RGS12: variants seen among roughly 807,000 people sequenced by gnomAD.
RGS12 encodes the protein regulator of G-protein signaling 12.
RGS12 carries 66 observed loss-of-function variants against 120.1 expected under a neutral mutation model. The ratio of observed to expected loss-of-function variants is 0.55; its 90% CI spans 0.45 to 0.67. RGS12 has a LOEUF of 0.67. RGS12 is among the 30% of genes least tolerant of loss of function. The pLI is 0.00. For synonymous variants in RGS12, 827 were observed against 804.7 expected (o/e 1.03, Z -0.47); for missense variants, 1,859 against 1,957.7 (o/e 0.95, Z 0.95).
Position 3,383,063 on chromosome 4 carries a change from C to T in RGS12, c.1999-3353C>T, listed in dbSNP as rs370249340. Among the ~76,000 whole-genome samples the T allele has an allele frequency of 3.9e-5, 6 of 152,180 alleles. No homozygotes were observed. In the East Asian group the frequency reaches 1.2e-3, roughly 29 times the overall value. On this transcript the variant is annotated intron_variant, in intron 3 of 17. Transcript: ENST00000336727. ...GGGCCCCTGTTGGGCTGTTTTCTTT[C>T]TGGAAGGATTTGCATTAATATATGT...
At chr4:3,305,765 A>C (rs573532927) in intron 1 of RGS12, among the ~76,000 whole-genome samples, 2 of 152,228 alleles carry the variant, frequency 1.3e-5, no homozygotes, top group African/African-American at 4.8e-5. Flanking sequence ...TCCTTGTTCA[A>C]GTGTCATGAT....
intron 2 of RGS12, among the ~76,000 whole-genome samples, chr4:3,320,796 C>T (rs935060561): frequency 2.6e-5 from 4 of 152,210 alleles, no homozygotes; most frequent in African/African-American, 7.2e-5. Flanking sequence ...AAGATGGGTC[C>T]GGACGTCGCC....
intron 17 of RGS12, chr4:3,432,202 T>C (rs553006555): frequency 2.1e-6 from 2 of 972,124 alleles, no homozygotes; most frequent in Admixed American, 1.2e-4. Flanking sequence ...TTCTTTCTCA[T>C]TTGAAACTTT....
chr4:3,436,403 T>G (rs1724810852), intron 17 of RGS12, among the ~76,000 whole-genome samples: 1 of 151,818 alleles, frequency 6.6e-6, no homozygotes, highest in South Asian at 2.1e-4. Flanking sequence ...CTGGGGAGGC[T>G]TCACAGAGGA....
chr4:3,364,944 G>A (rs979574266), intron 3 of RGS12, among the ~76,000 whole-genome samples: 1 of 152,094 alleles, frequency 6.6e-6, no homozygotes, highest in Non-Finnish European at 1.5e-5. Flanking sequence ...GGGACCCAGA[G>A]GGGTGCACCC....
chr4:3,404,079 G>A (rs1437594638), intron 4 of RGS12, among the ~76,000 whole-genome samples: 1 of 152,220 alleles, frequency 6.6e-6, no homozygotes, highest in African/African-American at 2.4e-5. Context: ...TTGGAGGGTA[G>A]CGAGATGGCA....
At chr4:3,371,249 G>C (rs1002081126) in intron 3 of RGS12, among the ~76,000 whole-genome samples, 2 of 152,234 alleles carry the variant, frequency 1.3e-5, no homozygotes, top group Non-Finnish European at 2.9e-5. Context: ...TCGGGGAGCA[G>C]CTCTGGTCTT....
At chr4:3,422,670 C>A in intron 11 of RGS12, 100 bp downstream of exon 11, 2 of 1,322,460 alleles carry the variant, frequency 1.5e-6, no homozygotes, top group Non-Finnish European at 2.1e-6. Flanking sequence ...CCCTCCTGCG[C>A]TCCTCATTTC....
At position 3,316,922 on chromosome 4, in the gene RGS12, GCTTGCAAGC is replaced by G; in HGVS notation, c.754_762del (p.Leu252_Ala254del). ...ACGAGCTCCAACCTGGAGTCCGACA[GCTTGCAAGC>G]CATCCGCGGCTGCATGCGGCGCCTG... is the stretch of plus-strand genomic sequence containing the variant. On this transcript the variant is annotated inframe_deletion, in exon 2 of 18. Transcript: ENST00000336727. 6.2e-7 allele frequency: 1 copy of G among 1,613,978 alleles called. No homozygotes were observed. Among genetic ancestry groups the G allele is most frequent in the Non-Finnish European group, 8.5e-7 (1 of 1,180,052 alleles).
rs548852657 is a variant in RGS12, at chr4:3,301,606, G to C, written c.-102+8507G>C. Among the ~76,000 whole-genome samples the C allele has an allele frequency of 1.6e-3, 244 of 151,248 alleles. 1 individual carries two copies. Among genetic ancestry groups the C allele is most frequent in the African/African-American group, 5.8e-3 (238 of 41,052 alleles). On this transcript the variant is annotated intron_variant, in intron 1 of 17. Transcript: ENST00000336727. ...CCGGGGTCCGAGGGCCGGGGATGGA[G>C]AGTGAGGCCGGGGTCCGAGGGCCGG...
At chr4:3,343,881 T>C (rs941504160) in intron 3 of RGS12, among the ~76,000 whole-genome samples, 3 of 152,236 alleles carry the variant, frequency 2.0e-5, no homozygotes, top group African/African-American at 7.2e-5. Flanking sequence ...TTCTAGAACA[T>C]GTGTCATGTT....
At chr4:3,356,279 T>A (rs909547254) in intron 3 of RGS12, among the ~76,000 whole-genome samples, 3 of 152,136 alleles carry the variant, frequency 2.0e-5, no homozygotes, top group Admixed American at 2.0e-4. Context: ...GGTCTCAAAC[T>A]CCTGAGCTCA....
rs1036488119 is a variant in RGS12 at position 3,389,999 on chromosome 4, C to T, written c.2020+3562C>T. 1.3e-5 allele frequency among the ~76,000 whole-genome samples: 2 copies of T among 152,150 alleles called. No homozygotes were observed. Among genetic ancestry groups the T allele is most frequent in the African/African-American group, 4.8e-5 (2 of 41,420 alleles). On this transcript the variant is annotated intron_variant, in intron 4 of 17. Transcript: ENST00000336727. The surrounding 1 kb of genome is among the most constrained non-coding windows in gnomAD (Gnocchi z 5.2). ...CCCCCTACTCGTCCTCCATGCAGAC[C>T]TCAGTCTTGGCCCTGTCTCTGCAGC... is the stretch of plus-strand genomic sequence containing the variant.
At chr4:3,296,094 C>T (rs1173679955) in intron 1 of RGS12, among the ~76,000 whole-genome samples, 3 of 149,940 alleles carry the variant, frequency 2.0e-5, no homozygotes, top group Non-Finnish European at 2.9e-5. Context: ...GGAAAACTGC[C>T]CCCCTGGTCA....
chr4:3,295,752 CA>C (rs1723348042), intron 1 of RGS12, among the ~76,000 whole-genome samples: 1 of 151,744 alleles, frequency 6.6e-6, no homozygotes, highest in Admixed American at 6.6e-5. Flanking sequence ...ATAAACAACT[CA>C]TTAGTTACGA....
intron 10 of RGS12, among the ~76,000 whole-genome samples, chr4:3,420,941 G>T (rs1722955106): frequency 6.6e-6 from 1 of 152,262 alleles, no homozygotes; most frequent in Non-Finnish European, 1.5e-5. Flanking sequence ...TAGGGCTCCT[G>T]AGAGGGCACG....
chr4:3,352,965 T>C (rs1578797720), intron 3 of RGS12, among the ~76,000 whole-genome samples: 1 of 152,320 alleles, frequency 6.6e-6, no homozygotes, highest in East Asian at 1.9e-4. Context: ...ATTTGTCCCT[T>C]TCTTTGGAAG....
chr4:3,356,417 C>A (rs1418823702), intron 3 of RGS12, among the ~76,000 whole-genome samples: 1 of 152,018 alleles, frequency 6.6e-6, no homozygotes, highest in Non-Finnish European at 1.5e-5. Context: ...AACCATTTTT[C>A]AATATGCAGT....
At position 3,293,106 on chromosome 4, in the gene RGS12, G is replaced by T. The variant is rs948624214; in HGVS notation, c.-102+7G>T. ...GAGCGAGCGGCGCGGCCCGGTAGGT[G>T]TGCGGGGCCGGGGCCGGGGCGGGGG... On this transcript the variant is annotated splice_region_variant and intron_variant, in intron 1 of 17. Transcript: ENST00000336727. The T allele has an allele frequency of 3.4e-5, 5 of 146,638 alleles. No individual in the cohort carries two copies. Among genetic ancestry groups the T allele is most frequent in the African/African-American group, 4.9e-5 (2 of 40,782 alleles). The allele number at this position is 146,638 out of a possible 1,614,324, so 9.1% of individuals were successfully genotyped here. A position where few individuals can be genotyped will look rare whatever the true frequency, so the allele number is the denominator to read the frequency against.
Sources: gnomAD v4.1 joint callset for allele counts (sites outside exome capture counted in the v4.1 genomes callset) on GRCh38, gnomAD v4.1.1 for gene constraint, Gnocchi (gnomAD v3.1) non-coding constraint, MANE v1.5 for transcripts, NCBI Gene and HGNC (gene_info 2026-07-23, HGNC 2026-07-21) for gene names.